PARD3B: variants seen among roughly 807,000 people sequenced by gnomAD.
PARD3B encodes the protein par-3 family cell polarity regulator beta.
In PARD3B, 103 loss-of-function variants were observed where a neutral mutation model predicts 130.2. That is an observed-to-expected ratio of 0.79 (90% confidence interval 0.67 to 0.93). PARD3B has a LOEUF of 0.93. Ranked by LOEUF, PARD3B falls within the 40% of genes least tolerant of loss-of-function variation. PARD3B has a pLI of 0.00. For synonymous variants in PARD3B, 583 were observed against 553.2 expected, an observed-to-expected ratio of 1.05 and a Z score of -0.76; for missense variants, 1,609 against 1,499.2, an observed-to-expected ratio of 1.07 and a Z score of -1.21.
Position 205,585,205 on chromosome 2 carries a change from T to A in PARD3B, c.3261-30251T>A, listed in dbSNP as rs535953719. 2.6e-5 allele frequency among the ~76,000 whole-genome samples: 4 copies of A among 152,312 alleles called. No individual in the cohort carries two copies. The East Asian group carries it at 7.7e-4, about 29-fold the overall frequency. ...TAGGTGTTTATGGCAAGAGGCATAT[T>A]TGGAATGCACAGGCTGGGAGATGAA... is the stretch of plus-strand genomic sequence containing the variant. On this transcript the variant is annotated intron_variant, in intron 22 of 22. Transcript: ENST00000406610. This position sits in a 1 kb window ranked among gnomAD's most constrained non-coding sequence, Gnocchi z 5.4.
chr2:205,505,387 TA>T (rs976350440), intron 21 of PARD3B, among the ~76,000 whole-genome samples: 17 of 107,692 alleles, frequency 1.6e-4, no homozygotes, highest in African/African-American at 5.8e-4. Flanking sequence ...ACTTAAATAA[TA>T]AAAAAATAAA....
At chr2:205,600,810 C>T (rs1289133983) in intron 22 of PARD3B, among the ~76,000 whole-genome samples, 1 of 152,178 alleles carries the variant, frequency 6.6e-6, no homozygotes, top group Admixed American at 6.5e-5. Flanking sequence ...CAGCTCCATC[C>T]ACGTCCCTGC....
intron 1 of PARD3B, among the ~76,000 whole-genome samples, chr2:204,659,048 G>A (rs1465164065): frequency 6.6e-6 from 1 of 152,106 alleles, no homozygotes; most frequent in East Asian, 1.9e-4. Context: ...AGGTGTTTTA[G>A]CATTCCCTAG....
chr2:205,330,285 G>A (rs1024527240), intron 18 of PARD3B, among the ~76,000 whole-genome samples: 3 of 152,116 alleles, frequency 2.0e-5, no homozygotes, highest in Admixed American at 6.5e-5. Flanking sequence ...AGGTTGCAGT[G>A]AGCGAAGATC....
At chr2:205,190,472 G>A (rs529472892) in intron 14 of PARD3B, among the ~76,000 whole-genome samples, 10 of 152,268 alleles carry the variant, frequency 6.6e-5, no homozygotes, top group Admixed American at 6.5e-4. Context: ...TAAAATGTAA[G>A]CCACATAGTA....
chr2:205,301,419 AGT>A lies in PARD3B; in HGVS notation c.2393-41_2393-40del. The A allele has an allele frequency of 6.4e-7, 1 of 1,574,216 alleles. No individual in the cohort carries two copies. Among genetic ancestry groups the A allele is most frequent in the South Asian group, 1.2e-5 (1 of 83,986 alleles). On this transcript the variant is annotated intron_variant, in intron 17 of 22. Coordinates refer to ENST00000406610, the MANE Select transcript of PARD3B (RefSeq NM_001302769.2). The surrounding 1 kb of genome is among the most constrained non-coding windows in gnomAD (Gnocchi z 5.2). ...TTAGCGTTTCTCTGTATACTAACTG[AGT>A]GTGCCCCTGACCATGGGTATTGATT...
intron 18 of PARD3B, among the ~76,000 whole-genome samples, chr2:205,389,360 T>A (rs552198292): frequency 6.6e-6 from 1 of 152,258 alleles, no homozygotes; most frequent in Admixed American, 6.5e-5. Flanking sequence ...ATTATTATTA[T>A]TTTATTATTA....
intron 2 of PARD3B, among the ~76,000 whole-genome samples, chr2:204,774,885 C>T (rs968497900): frequency 1.1e-4 from 16 of 152,010 alleles, no homozygotes; most frequent in African/African-American, 1.5e-4. Context: ...AAAAGTGTGC[C>T]GAATCCTTCC....
At chr2:205,058,042 C>G (rs1426580050) in intron 4 of PARD3B, among the ~76,000 whole-genome samples, 3 of 151,700 alleles carry the variant, frequency 2.0e-5, no homozygotes, top group Non-Finnish European at 3.0e-5. Flanking sequence ...CACTGAAACT[C>G]TATACTCTTA....
chr2:204,714,939 A>G lies in PARD3B; in HGVS notation c.222+28657A>G, dbSNP rs186434234. ...TACATTTAATGGCTGAATGGCTTTC[A>G]TGTTACAATTAGAGGTATCCTAAGC... is the stretch of plus-strand genomic sequence containing the variant. On this transcript the variant is annotated intron_variant, in intron 2 of 22. Coordinates refer to ENST00000406610, the MANE Select transcript of PARD3B (RefSeq NM_001302769.2). Among the ~76,000 whole-genome samples the G allele has an allele frequency of 4.6e-5, 7 of 152,340 alleles. No homozygotes were observed. The East Asian group carries it at 1.2e-3, about 25-fold the overall frequency.
chr2:204,820,405 C>G (rs1253873980), intron 2 of PARD3B, among the ~76,000 whole-genome samples: 3 of 150,896 alleles, frequency 2.0e-5, no homozygotes, highest in Non-Finnish European at 2.9e-5. Context: ...GTAGACAAAA[C>G]AGCTCTCTAT....
At chr2:204,697,725 G>A (rs376926397) in intron 2 of PARD3B, among the ~76,000 whole-genome samples, 1 of 151,942 alleles carries the variant, frequency 6.6e-6, no homozygotes, top group Non-Finnish European at 1.5e-5. Context: ...TTCTCCCTCC[G>A]GTTGTGTTCA....
chr2:205,262,850 T>C (rs572817139), intron 16 of PARD3B, among the ~76,000 whole-genome samples: 4 of 152,124 alleles, frequency 2.6e-5, no homozygotes, highest in Non-Finnish European at 5.9e-5. Context: ...TACATTTTAT[T>C]CTCAGGTGCT....
chr2:204,945,321 G>T (rs572114850), intron 2 of PARD3B, among the ~76,000 whole-genome samples: 6 of 152,266 alleles, frequency 3.9e-5, no homozygotes, highest in Middle Eastern at 3.4e-3. Context: ...TCCGGGAGAT[G>T]AAATCACCAG....
chr2:205,037,454 G>A (rs906607740), intron 3 of PARD3B, among the ~76,000 whole-genome samples: 2 of 145,842 alleles, frequency 1.4e-5, no homozygotes, highest in African/African-American at 5.0e-5. Flanking sequence ...AAATATATAT[G>A]GTGGACTATA....
intron 20 of PARD3B, among the ~76,000 whole-genome samples, chr2:205,493,794 G>C (rs1484211491): frequency 6.6e-6 from 1 of 151,396 alleles, no homozygotes; most frequent in Non-Finnish European, 1.5e-5. Context: ...GTCTTGCTCT[G>C]TTGCCCAGCC....
At chr2:205,137,700 C>A (rs932211286) in intron 10 of PARD3B, among the ~76,000 whole-genome samples, 1 of 152,166 alleles carries the variant, frequency 6.6e-6, no homozygotes, top group African/African-American at 2.4e-5. Flanking sequence ...GGCGGGAAGG[C>A]CCAGAATGGC....
At chr2:204,581,287 G>C (rs140481341) in intron 1 of PARD3B, among the ~76,000 whole-genome samples, 1 of 152,076 alleles carries the variant, frequency 6.6e-6, no homozygotes, top group Admixed American at 6.6e-5. Context: ...CTCCTAAAAG[G>C]GGTTTTAGAT....
intron 15 of PARD3B, among the ~76,000 whole-genome samples, chr2:205,214,818 C>T (rs1021929760): frequency 5.9e-5 from 9 of 152,046 alleles, no homozygotes; most frequent in Non-Finnish European, 1.2e-4. Flanking sequence ...GCTAAATTAA[C>T]TAACCCATTA....
Sources: allele counts gnomAD v4.1 joint callset (sites outside exome capture counted in the v4.1 genomes callset), GRCh38; gene constraint gnomAD v4.1.1; non-coding constraint Gnocchi (gnomAD v3.1); transcripts MANE v1.5; gene names NCBI Gene and HGNC (gene_info 2026-07-23, HGNC 2026-07-21).